IQUB: variants seen among roughly 807,000 people sequenced by gnomAD.
IQUB encodes the protein IQ motif and ubiquitin domain containing, also known as IQ motif and ubiquitin-like domain-containing protein.
IQUB carries 86 observed loss-of-function variants against 86.4 expected under a neutral mutation model. The ratio of observed to expected loss-of-function variants is 1.00; its 90% CI spans 0.84 to 1.19. The LOEUF is 1.19. Among genes scored for constraint, IQUB ranks in the 50% most tolerant of loss-of-function variants. The pLI, the probability that IQUB is intolerant of heterozygous loss-of-function variation, is 0.00. For missense variants in IQUB, 946 were observed against 916.9 expected, an observed-to-expected ratio of 1.03 and a Z score of -0.41; for synonymous variants, 289 against 304.5, an observed-to-expected ratio of 0.95 and a Z score of 0.53.
At chr7:123,520,471 A>G (rs188614125) in intron 1 of IQUB, among the ~76,000 whole-genome samples, 154 of 152,276 alleles carry the variant, frequency 1.0e-3, no homozygotes, top group African/African-American at 3.4e-3. Flanking sequence ...TTTGCTAAGT[A>G]TATGTGTGGG....
chr7:123,477,884 A>G (rs1320304328), intron 8 of IQUB, among the ~76,000 whole-genome samples: 1 of 152,242 alleles, frequency 6.6e-6, no homozygotes, highest in Admixed American at 6.5e-5. Context: ...AATCAAAACC[A>G]CAATGAGATA....
Position 123,503,252 on chromosome 7 carries a change from A to G in IQUB, c.644T>C (p.Ile215Thr), listed in dbSNP as rs140926528. ...TNPDLYPVRR[I>T]DGLTDVSQII... Reference sequence around the variant, plus strand: ...TTGAGAGACATCAGTTAATCCATCTATTCTTCTGACTGGATACAGATCTGG... The same window carrying G: ...TTGAGAGACATCAGTTAATCCATCTGTTCTTCTGACTGGATACAGATCTGG... The change falls in exon 4 of 13, where the codon ATA (isoleucine) becomes ACA (threonine). Residue 215 changes from isoleucine to threonine, a missense_variant. Coordinates refer to ENST00000324698, the MANE Select transcript of IQUB (RefSeq NM_178827.5). 35 of 1,612,150 alleles carry G rather than the reference A, an allele frequency of 2.2e-5. No individual in the cohort carries two copies. The highest frequency in any genetic ancestry group is 1.6e-4 in the Middle Eastern group (1 of 6,072).
At chr7:123,490,707 G>A (rs1057194132) in intron 7 of IQUB, among the ~76,000 whole-genome samples, 1 of 152,176 alleles carries the variant, frequency 6.6e-6, no homozygotes, top group African/African-American at 2.4e-5. Flanking sequence ...GCTCACGCCT[G>A]TAATCTCAGC....
intron 10 of IQUB, chr7:123,462,592 C>T (rs1053380649): frequency 3.5e-5 from 7 of 198,744 alleles, no homozygotes; most frequent in South Asian, 7.8e-5. Flanking sequence ...GTCAATTCTT[C>T]GAGAGAAAAG....
At chr7:123,472,469 A>T (rs1014022063) in intron 8 of IQUB, among the ~76,000 whole-genome samples, 2 of 152,198 alleles carry the variant, frequency 1.3e-5, no homozygotes, top group East Asian at 3.9e-4. Flanking sequence ...TAAGAAAATG[A>T]GTAATTAGAA....
At chr7:123,487,084 G>A (rs1795241771) in intron 7 of IQUB, among the ~76,000 whole-genome samples, 3 of 152,110 alleles carry the variant, frequency 2.0e-5, no homozygotes, top group African/African-American at 7.2e-5. Context: ...GACAGTGAGT[G>A]AGTTCTCATG....
intron 10 of IQUB, chr7:123,462,781 A>T: frequency 2.2e-6 from 1 of 454,110 alleles, no homozygotes; most frequent in Non-Finnish European, 4.4e-6. Flanking sequence ...ACACGTCTCC[A>T]TTATAGATGG....
intron 1 of IQUB, among the ~76,000 whole-genome samples, chr7:123,525,482 T>A (rs568529984): frequency 2.6e-4 from 40 of 152,318 alleles, no homozygotes; most frequent in African/African-American, 9.1e-4. Flanking sequence ...TTCTAGTTTA[T>A]TTGCGTAGAG....
Position 123,505,800 on chromosome 7 carries a change from T to C in IQUB, c.533-2437A>G, listed in dbSNP as rs992724595. Among the ~76,000 whole-genome samples, 6 of 152,374 alleles carry C rather than the reference T, an allele frequency of 3.9e-5. No homozygotes were observed. The East Asian group carries it at 7.7e-4, about 20-fold the overall frequency. ...ATTAACATTTGGCTCCTTTTTATTA[T>C]ATAAATTTTGCAGCCTGCTTTAATT... On this transcript the variant is annotated intron_variant, in intron 3 of 12. Coordinates refer to ENST00000324698, the MANE Select transcript of IQUB (RefSeq NM_178827.5).
intron 2 of IQUB, among the ~76,000 whole-genome samples, chr7:123,510,495 T>G (rs1179587362): frequency 6.6e-6 from 1 of 152,124 alleles, no homozygotes; most frequent in Non-Finnish European, 1.5e-5. Flanking sequence ...ATTAAAAAAT[T>G]TTTAAATGTT....
At chr7:123,492,750 AG>A (rs1795527464) in intron 7 of IQUB, among the ~76,000 whole-genome samples, 1 of 152,106 alleles carries the variant, frequency 6.6e-6, no homozygotes, top group South Asian at 2.1e-4. Flanking sequence ...CCCACTCTCC[AG>A]GCCTCTCAGA....
intron 1 of IQUB, among the ~76,000 whole-genome samples, chr7:123,518,428 T>A (rs1222783066): frequency 1.3e-5 from 2 of 152,126 alleles, no homozygotes; most frequent in Admixed American, 1.3e-4. Flanking sequence ...TAAAATAAAA[T>A]GCTTTCCAGA....
intron 7 of IQUB, among the ~76,000 whole-genome samples, chr7:123,484,476 A>G (rs1397000554): frequency 6.6e-6 from 1 of 152,104 alleles, no homozygotes; most frequent in East Asian, 1.9e-4. Flanking sequence ...TTTATCTGAT[A>G]CAATTATATC....
At chr7:123,508,291 T>C (rs1469472234) in intron 3 of IQUB, among the ~76,000 whole-genome samples, 1 of 152,224 alleles carries the variant, frequency 6.6e-6, no homozygotes, top group Non-Finnish European at 1.5e-5. Context: ...TGTAGACACC[T>C]TGAATTTATC....
chr7:123,521,325 C>T (rs184700240), intron 1 of IQUB, among the ~76,000 whole-genome samples: 74 of 152,024 alleles, frequency 4.9e-4, no homozygotes, highest in Non-Finnish European at 7.9e-4. Context: ...AGATTGCTCC[C>T]CTCCAAGCAA....
Position 123,452,699 on chromosome 7 carries a change from CA to C in IQUB, c.*43del. ...TGTGACCTCTGTATTACCCTATTAG[CA>C]GTGAACAAAATGCCGATCATCAAAC... is the stretch of plus-strand genomic sequence containing the variant. On this transcript the variant is annotated 3_prime_UTR_variant, in exon 13 of 13. Coordinates refer to ENST00000324698, the MANE Select transcript of IQUB (RefSeq NM_178827.5). The C allele has an allele frequency of 7.4e-7, 1 of 1,342,496 alleles. No individual in the cohort carries two copies. Among genetic ancestry groups the C allele is most frequent in the Non-Finnish European group, 1.1e-6 (1 of 944,318 alleles). 83.2% of individuals were successfully genotyped at this position (1,342,496 alleles called of 1,614,324 possible). A position where few individuals can be genotyped will look rare whatever the true frequency, so the allele number is the denominator to read the frequency against.
intron 8 of IQUB, among the ~76,000 whole-genome samples, chr7:123,478,640 A>G (rs1021134531): frequency 6.6e-6 from 1 of 152,166 alleles, no homozygotes; most frequent in African/African-American, 2.4e-5. Flanking sequence ...TAAATAATTG[A>G]CCAAGGATTT....
intron 1 of IQUB, among the ~76,000 whole-genome samples, chr7:123,527,627 G>A (rs558090025): frequency 1.3e-4 from 20 of 152,168 alleles, no homozygotes; most frequent in Non-Finnish European, 2.8e-4. Flanking sequence ...TAGGCTGCTC[G>A]GGGGTCAGGG....
chr7:123,502,719 T>C lies in IQUB; in HGVS notation c.901A>G (p.Thr301Ala), dbSNP rs762800949. ...GTCATCTGTGTGGATGTTGTATTTGTAGTTTGTTGGAGATTTTTTTTCTGA... is the reference window on the plus strand; with the variant it reads ...GTCATCTGTGTGGATGTTGTATTTGCAGTTTGTTGGAGATTTTTTTTCTGA... ...VFQKKNLQQT[T>A]NTTSTQMTNI... Residue 301 changes from threonine (T) to alanine (A), a missense_variant, in exon 6 of 13, where the codon ACA (threonine) becomes GCA (alanine). By Grantham distance (58) the Thr-to-Ala change is moderately conservative. Coordinates refer to ENST00000324698, the MANE Select transcript of IQUB (RefSeq NM_178827.5). The C allele has an allele frequency of 1.2e-6, 2 of 1,605,522 alleles. No homozygotes were observed. The highest frequency in any genetic ancestry group is 1.1e-5 in the South Asian group (1 of 88,316).
Sources: gnomAD v4.1 joint callset for allele counts (sites outside exome capture counted in the v4.1 genomes callset) on GRCh38, gnomAD v4.1.1 for gene constraint, MANE v1.5 for transcripts, NCBI Gene and HGNC (gene_info 2026-07-23, HGNC 2026-07-21) for gene names.